Variants in RAD18 observed in about 807,000 individuals in gnomAD.
RAD18 encodes the protein E3 ubiquitin-protein ligase RAD18.
RAD18 carries 47 observed loss-of-function variants against 60.4 expected under a neutral mutation model. That is an observed-to-expected ratio of 0.78 (90% CI 0.62 to 0.99). RAD18 has a LOEUF of 0.99. Ranked by LOEUF, RAD18 falls within the 50% of genes least tolerant of loss-of-function variation. RAD18 has a pLI of 0.00. For missense variants in RAD18, 640 were observed against 593.3 expected (o/e 1.08, Z -0.82); for synonymous variants, 225 against 195.5 (o/e 1.15, Z -1.26).
intron 12 of RAD18, among the ~76,000 whole-genome samples, chr3:8,887,999 T>C (rs1939601164): frequency 6.6e-6 from 1 of 152,144 alleles, no homozygotes; most frequent in Non-Finnish European, 1.5e-5. Flanking sequence ...CAGGGCCAGG[T>C]TCTAGGTAAC....
chr3:8,938,939 CA>C (rs1228368856), intron 6 of RAD18, among the ~76,000 whole-genome samples: 1 of 152,084 alleles, frequency 6.6e-6, no homozygotes. Context: ...TGAGAAATTA[CA>C]GTTATTTTCA....
chr3:8,913,957 C>T (rs45458193), intron 7 of RAD18, among the ~76,000 whole-genome samples: 168 of 82,052 alleles, frequency 2.0e-3, no homozygotes, highest in African/African-American at 7.4e-3. Flanking sequence ...CAACGTATAA[C>T]CACAAGAGTC....
chr3:8,904,105 A>G (rs957086201), intron 9 of RAD18, among the ~76,000 whole-genome samples: 4 of 152,160 alleles, frequency 2.6e-5, no homozygotes, highest in Non-Finnish European at 4.4e-5. Flanking sequence ...TCCTCCTCCA[A>G]TGTGGAAGAA....
chr3:8,938,097 C>G (rs1281347434), intron 6 of RAD18, among the ~76,000 whole-genome samples: 1 of 152,176 alleles, frequency 6.6e-6, no homozygotes, highest in Non-Finnish European at 1.5e-5. Context: ...AAAAGCAGTT[C>G]ATCAAACTCT....
chr3:8,962,861 G>A (rs1347961707), intron 1 of RAD18, among the ~76,000 whole-genome samples: 2 of 152,156 alleles, frequency 1.3e-5, no homozygotes, highest in Non-Finnish European at 2.9e-5. Context: ...CAGAACAAAC[G>A]AGCACTACGT....
At position 8,958,086 on chromosome 3, in the gene RAD18, G is replaced by T. The variant is rs148707085; in HGVS notation, c.133+834C>A. Among the ~76,000 whole-genome samples, 9 of 152,278 alleles carry T rather than the reference G, an allele frequency of 5.9e-5. No homozygotes were observed. In the East Asian group the frequency reaches 1.7e-3, roughly 29 times the overall value. ...TTAATTCTCACAAACATTTTCTAAAGTAGTAAATTCTCACCCGATTTTCAA... is the reference window on the plus strand; with the variant it reads ...TTAATTCTCACAAACATTTTCTAAATTAGTAAATTCTCACCCGATTTTCAA... On this transcript the variant is annotated intron_variant, in intron 2 of 12. Transcript: ENST00000264926.
In RAD18 at chr3:8,958,648, TAAAG is replaced by T. The variant is rs777181039; in HGVS notation, c.133+268_133+271del. ...TTAACGTCAAAAAACACTTGGCAAA[TAAAG>T]AACCACTTATTGTGACCAAAAATTT... On this transcript the variant is annotated intron_variant, in intron 2 of 12. Coordinates refer to ENST00000264926, the MANE Select transcript of RAD18 (RefSeq NM_020165.4). Among the ~76,000 whole-genome samples, 25 of 152,192 alleles carry T rather than the reference TAAAG, an allele frequency of 1.6e-4. 1 individual carries two copies. The East Asian group carries it at 2.3e-3, about 14-fold the overall frequency.
intron 2 of RAD18, among the ~76,000 whole-genome samples, chr3:8,953,948 T>C (rs552068919): frequency 6.6e-6 from 1 of 152,348 alleles, no homozygotes; most frequent in Non-Finnish European, 1.5e-5. Context: ...AAACCTTTGC[T>C]AATTCAAGAG....
chr3:8,947,291 C>A lies in RAD18; in HGVS notation c.196-1G>T. On this transcript the variant is annotated splice_acceptor_variant, in intron 3 of 12. Coordinates refer to ENST00000264926, the MANE Select transcript of RAD18 (RefSeq NM_020165.4). LOFTEE classifies it high-confidence loss of function. ...TTTTCAGATCCGGCTCTGTGACAGT[C>A]TAGAAAAAACAAACAACAGATGGAA... is the stretch of plus-strand genomic sequence containing the variant. 6.3e-7 allele frequency: 1 copy of A among 1,599,826 alleles called. No homozygotes were observed. Among genetic ancestry groups the A allele is most frequent in the Non-Finnish European group, 8.6e-7 (1 of 1,169,444 alleles).
At chr3:8,920,466 GGGGTGAA>G (rs1940298374) in intron 7 of RAD18, among the ~76,000 whole-genome samples, 2 of 152,098 alleles carry the variant, frequency 1.3e-5, no homozygotes, top group African/African-American at 4.8e-5. Flanking sequence ...GCTAAATATA[GGGGTGAA>G]ATCTTAATGA....
intron 7 of RAD18, among the ~76,000 whole-genome samples, chr3:8,926,750 T>C (rs926406564): frequency 1.3e-5 from 2 of 152,020 alleles, no homozygotes; most frequent in Non-Finnish European, 2.9e-5. Flanking sequence ...TCAGAAATAA[T>C]GCCGCATATC....
chr3:8,927,696 G>A (rs772435993), intron 7 of RAD18, among the ~76,000 whole-genome samples: 4 of 152,174 alleles, frequency 2.6e-5, no homozygotes, highest in Non-Finnish European at 4.4e-5. Flanking sequence ...TTAAGAAAAT[G>A]TGGCACGTAT....
chr3:8,927,159 A>C (rs2125061457), intron 7 of RAD18, among the ~76,000 whole-genome samples: 1 of 152,360 alleles, frequency 6.6e-6, no homozygotes, highest in Non-Finnish European at 1.5e-5. Flanking sequence ...CAATCTACTC[A>C]TCTGACAAAG....
chr3:8,951,704 T>C (rs149214564), intron 2 of RAD18, among the ~76,000 whole-genome samples: 341 of 152,364 alleles, frequency 2.2e-3, no homozygotes, highest in Non-Finnish European at 3.9e-3. Flanking sequence ...TGAATGCTTA[T>C]GCATAAGTGA....
rs760161920 is a variant in RAD18 at position 8,898,953 on chromosome 3, A to G, written c.1263T>C (p.Ser421=). Residue 421 remains serine, a synonymous_variant, in exon 11 of 13, where the codon TCT becomes TCC. Coordinates refer to ENST00000264926, the MANE Select transcript of RAD18 (RefSeq NM_020165.4). ...EELEPDREED[S]SSCIDIQEVL... is the part of the protein sequence containing the mutation. ...CTTCTTGAATATCAATACAGCTAGAAGAATCCTCTTCTCTGTCAGGTTCCA... is the reference window on the plus strand; with the variant it reads ...CTTCTTGAATATCAATACAGCTAGAGGAATCCTCTTCTCTGTCAGGTTCCA... 5.6e-6 allele frequency: 9 copies of G among 1,609,228 alleles called. No homozygotes were observed. In the East Asian group the frequency reaches 8.9e-5, roughly 16 times the overall value.
Position 8,912,329 on chromosome 3 carries a change from T to A in RAD18, c.1010A>T (p.Glu337Val). ...TKDQTEKEID[E>V]IHSKYRKKHK... ...CAACTTACGATATTTACTGTGGATT[T>A]CATCTATTTCCTTTTCTGTTTGGTC... The change falls in exon 9 of 13, where the codon GAA becomes GTA. Residue 337 changes from glutamate (E) to valine (V), a missense_variant. Transcript: ENST00000264926. 6.4e-7 allele frequency: 1 copy of A among 1,566,810 alleles called. No homozygotes were observed. The highest frequency in any genetic ancestry group is 1.2e-5 in the South Asian group (1 of 82,582).
At chr3:8,933,011 G>A (rs45623944) in intron 7 of RAD18, among the ~76,000 whole-genome samples, 19,639 of 151,934 alleles carry the variant, frequency 0.13, 1,476 homozygotes, top group East Asian at 0.23. Flanking sequence ...CAGGAGAATC[G>A]CTTCAACCTG....
intron 8 of RAD18, 191 bp from the exon 9 acceptor site, chr3:8,912,563 C>T (rs1434272153): frequency 5.5e-6 from 2 of 365,432 alleles, no homozygotes; most frequent in East Asian, 4.2e-5. Flanking sequence ...ATACATTTTA[C>T]TCATTATTTT....
intron 11 of RAD18, among the ~76,000 whole-genome samples, chr3:8,894,739 C>G (rs1939755363): frequency 6.6e-6 from 1 of 151,018 alleles, no homozygotes; most frequent in Admixed American, 6.6e-5. Context: ...CTGCCTCATG[C>G]ACCACACCCA....
Sources: gnomAD v4.1 joint callset for allele counts (sites outside exome capture counted in the v4.1 genomes callset) on GRCh38, gnomAD v4.1.1 for gene constraint, MANE v1.5 for transcripts, NCBI Gene and HGNC (gene_info 2026-07-23, HGNC 2026-07-21) for gene names.